Variants in TMEM26 observed in about 807,000 individuals in gnomAD.
TMEM26 encodes transmembrane protein 26.
TMEM26 carries 38 observed loss-of-function variants against 28.8 expected under a neutral mutation model. The observed-to-expected ratio is 1.32, with a 90% confidence interval of 1.02 to 1.73. The LOEUF is 1.73. Ranked by LOEUF, TMEM26 falls within the 40% of genes most tolerant of loss-of-function variation. The pLI is 0.00. For missense variants in TMEM26, 518 were observed against 447.1 expected (o/e 1.16, Z -1.43); for synonymous variants, 227 against 182.9 (o/e 1.24, Z -1.95).
chr10:61,424,910 C>T lies in TMEM26; in HGVS notation c.605+4016G>A, dbSNP rs543396103. ...ATAAAAAATAAACTTGGAACCTTAC[C>T]TCCCACTGTACACAAAAATTATGTA... On this transcript the variant is annotated intron_variant, in intron 4 of 5. Transcript: ENST00000399298. Among the ~76,000 whole-genome samples, 4 of 152,282 alleles carry T rather than the reference C, an allele frequency of 2.6e-5. No homozygotes were observed. The East Asian group carries it at 7.7e-4, about 29-fold the overall frequency.
At chr10:61,424,072 T>C (rs1371783500) in intron 4 of TMEM26, among the ~76,000 whole-genome samples, 2 of 152,128 alleles carry the variant, frequency 1.3e-5, no homozygotes, top group Non-Finnish European at 2.9e-5. Context: ...TATTTGACAT[T>C]GAAAGAAGTT....
intron 4 of TMEM26, chr10:61,415,995 T>C: frequency 2.5e-6 from 1 of 398,632 alleles, no homozygotes; most frequent in South Asian, 1.9e-5. Flanking sequence ...AGGATTTCAG[T>C]TGCACCTGTG....
At chr10:61,416,830 C>T (rs1364146176) in intron 4 of TMEM26, among the ~76,000 whole-genome samples, 1 of 151,982 alleles carries the variant, frequency 6.6e-6, no homozygotes, top group African/African-American at 2.4e-5. Flanking sequence ...TATTCACCAT[C>T]CTACAGAATA....
At chr10:61,427,008 C>T (rs1387885601) in intron 4 of TMEM26, among the ~76,000 whole-genome samples, 1 of 151,786 alleles carries the variant, frequency 6.6e-6, no homozygotes, top group Non-Finnish European at 1.5e-5. Flanking sequence ...GTAATAGAGG[C>T]ACATAGAACT....
chr10:61,431,380 T>C (rs772177113), intron 2 of TMEM26, 48 bp from the exon 3 acceptor site: 2 of 1,328,820 alleles, frequency 1.5e-6, no homozygotes, highest in Non-Finnish European at 2.2e-6. Context: ...ATTAGCACAA[T>C]ATGGTAGAGA....
intron 1 of TMEM26, among the ~76,000 whole-genome samples, chr10:61,441,895 T>C (rs542358472): frequency 2.0e-5 from 3 of 152,166 alleles, no homozygotes; most frequent in African/African-American, 7.2e-5. Context: ...AATCTTTCTT[T>C]TCCATGAAGT....
chr10:61,410,582 T>A lies in TMEM26; in HGVS notation c.847A>T (p.Asn283Tyr). 2.5e-6 allele frequency: 4 copies of A among 1,614,124 alleles called. No individual in the cohort carries two copies. Among genetic ancestry groups the A allele is most frequent in the Non-Finnish European group, 3.4e-6 (4 of 1,180,026 alleles). ...LILMTYFKVI[N>Y]QMLVFFAAKN... ...GCGGCAAAGAACACCAGCATCTGATTGATCACTTTGAAATAGGTCATCAGT... is the reference window on the plus strand; with the variant it reads ...GCGGCAAAGAACACCAGCATCTGATAGATCACTTTGAAATAGGTCATCAGT... The change falls in exon 6 of 6, where the codon AAT becomes TAT. Residue 283 changes from asparagine to tyrosine, a missense_variant. Transcript: ENST00000399298.
At chr10:61,429,247 G>T in intron 3 of TMEM26, 101 bp from the exon 4 acceptor site, 1 of 960,818 alleles carries the variant, frequency 1.0e-6, no homozygotes, top group Non-Finnish European at 1.6e-6. Context: ...CTTTTGTAGA[G>T]AGTAATTTTC....
chr10:61,443,382 G>A (rs1840128112), intron 1 of TMEM26, among the ~76,000 whole-genome samples: 1 of 151,780 alleles, frequency 6.6e-6, no homozygotes, highest in African/African-American at 2.4e-5. Flanking sequence ...GGAGAATGGT[G>A]TGAACCTGGG....
intron 1 of TMEM26, among the ~76,000 whole-genome samples, chr10:61,437,501 G>T (rs1396735692): frequency 6.6e-6 from 1 of 152,036 alleles, no homozygotes; most frequent in Admixed American, 6.6e-5. Context: ...TCTTCAAATT[G>T]GTCTGGGCAC....
At chr10:61,416,999 A>G (rs370266430) in intron 4 of TMEM26, among the ~76,000 whole-genome samples, 54 of 152,212 alleles carry the variant, frequency 3.5e-4, no homozygotes, top group Middle Eastern at 3.4e-3. Flanking sequence ...ATCAAACACA[A>G]TTTTGGAAAA....
At chr10:61,447,462 T>C (rs550421738) in intron 1 of TMEM26, among the ~76,000 whole-genome samples, 4 of 152,368 alleles carry the variant, frequency 2.6e-5, no homozygotes, top group African/African-American at 9.6e-5. Flanking sequence ...GTGAATTTTT[T>C]ACAAAATTGG....
chr10:61,410,661 G>A lies in TMEM26; in HGVS notation c.768C>T (p.Asn256=). 1 of 1,614,122 alleles carries A rather than the reference G, an allele frequency of 6.2e-7. No individual in the cohort carries two copies. Among genetic ancestry groups the A allele is most frequent in the Non-Finnish European group, 8.5e-7 (1 of 1,180,010 alleles). ...CTTGTATGAAGACGCTGATTCCGAT[G>A]TTCCACAGATCGGCACTGTACTGGC... ...FFCQYSADLW[N]IGISVFIQDG... is the part of the protein sequence containing the mutation. The change falls in exon 6 of 6, where the codon AAC becomes AAT. Residue 256 remains asparagine, a synonymous_variant. Transcript: ENST00000399298.
intron 2 of TMEM26, among the ~76,000 whole-genome samples, chr10:61,433,565 T>A (rs915246452): frequency 6.6e-6 from 1 of 152,116 alleles, no homozygotes; most frequent in Non-Finnish European, 1.5e-5. Flanking sequence ...AAGGTCACAA[T>A]CATTGTCATA....
chr10:61,418,651 C>A (rs59815717), intron 4 of TMEM26, among the ~76,000 whole-genome samples: 13 of 151,978 alleles, frequency 8.6e-5, no homozygotes, highest in Non-Finnish European at 1.3e-4. Flanking sequence ...TCACACTCAG[C>A]GGTGTGGTCA....
intron 4 of TMEM26, chr10:61,414,970 C>T (rs1442372569): frequency 1.0e-6 from 1 of 984,682 alleles, no homozygotes; most frequent in Non-Finnish European, 1.2e-6. Flanking sequence ...TAAATGGCTC[C>T]CCACAGGGGG....
intron 1 of TMEM26, among the ~76,000 whole-genome samples, chr10:61,447,684 G>A (rs771176271): frequency 1.3e-5 from 2 of 152,094 alleles, no homozygotes; most frequent in Non-Finnish European, 2.9e-5. Flanking sequence ...AGTATTAATC[G>A]GTCATTTGAG....
chr10:61,414,477 C>A (rs1839618221), intron 4 of TMEM26: 1 of 151,976 alleles, frequency 6.6e-6, no homozygotes, highest in Non-Finnish European at 1.5e-5. Context: ...TTAAATGCTT[C>A]AAGTGTAGAG....
Position 61,408,483 on chromosome 10 carries a change from A to G in TMEM26, c.*1839T>C, listed in dbSNP as rs944178476. ...AAAATTAAAACATGAAAAGTATGCC[A>G]TGAGCAAATCTGCAATAATAAGCAG... On this transcript the variant is annotated 3_prime_UTR_variant, in exon 6 of 6. Coordinates refer to ENST00000399298, the MANE Select transcript of TMEM26 (RefSeq NM_178505.8). 1 of 152,236 alleles carries G rather than the reference A, an allele frequency of 6.6e-6. No individual in the cohort carries two copies. The highest frequency in any genetic ancestry group is 6.5e-5 in the Admixed American group (1 of 15,276). The allele number at this position is 152,236 out of a possible 1,614,324, so 9.4% of individuals were successfully genotyped here.
Sources: allele counts gnomAD v4.1 joint callset (sites outside exome capture counted in the v4.1 genomes callset), GRCh38; gene constraint gnomAD v4.1.1; transcripts MANE v1.5; gene names NCBI Gene and HGNC (gene_info 2026-07-23, HGNC 2026-07-21).